STAC: variants seen among roughly 807,000 people sequenced by gnomAD.
STAC encodes SH3 and cysteine-rich domain-containing protein.
STAC carries 43 observed loss-of-function variants against 48.8 expected under a neutral mutation model. The ratio of observed to expected loss-of-function variants is 0.88; its 90% CI spans 0.69 to 1.14. STAC has a LOEUF of 1.14. Among genes scored for constraint, STAC ranks in the 50% most tolerant of loss-of-function variants. STAC has a pLI of 0.00. For missense variants in STAC, 497 were observed against 504.0 expected (o/e 0.99, Z 0.13); for synonymous variants, 193 against 179.5 (o/e 1.07, Z -0.60).
chr3:36,396,281 A>C (rs1021507723), intron 1 of STAC, among the ~76,000 whole-genome samples: 23 of 152,290 alleles, frequency 1.5e-4, no homozygotes, highest in African/African-American at 4.8e-4. Context: ...TGTTTATTGA[A>C]CAATATTTTT....
At chr3:36,464,543 G>A (rs768404128) in intron 2 of STAC, among the ~76,000 whole-genome samples, 2 of 152,068 alleles carry the variant, frequency 1.3e-5, no homozygotes, top group Non-Finnish European at 2.9e-5. Context: ...CCTATTACTT[G>A]AGCAGTGTAC....
rs33997783 is a variant in STAC, at chr3:36,386,407, G to GAAA, written c.111+5661_111+5663dup. On this transcript the variant is annotated intron_variant, in intron 1 of 10. Coordinates refer to ENST00000273183, the MANE Select transcript of STAC (RefSeq NM_003149.3). ...TATTGCAGATATTCTCTTCTACACT[G>GAAA]AAAAAAAAAAGGCTTACCTTTTTTC... Among the ~76,000 whole-genome samples, 38 of 145,660 alleles carry GAAA rather than the reference G, an allele frequency of 2.6e-4. No individual in the cohort carries two copies. The South Asian group carries it at 3.3e-3, about 12-fold the overall frequency.
At chr3:36,540,234 G>A (rs1699291630) in intron 10 of STAC, among the ~76,000 whole-genome samples, 1 of 152,156 alleles carries the variant, frequency 6.6e-6, no homozygotes, top group African/African-American at 2.4e-5. Flanking sequence ...AAAGAATGCA[G>A]CCCTGCCAGC....
chr3:36,439,274 C>T (rs543451279), intron 1 of STAC, among the ~76,000 whole-genome samples: 11 of 152,252 alleles, frequency 7.2e-5, no homozygotes, highest in Admixed American at 4.6e-4. Flanking sequence ...TAAGATAGGT[C>T]GCCTGGTGAA....
At chr3:36,465,223 C>T (rs1697135206) in intron 2 of STAC, among the ~76,000 whole-genome samples, 1 of 152,162 alleles carries the variant, frequency 6.6e-6, no homozygotes, top group African/African-American at 2.4e-5. Flanking sequence ...TGATGTTGAA[C>T]ATTTTTTCAT....
At chr3:36,464,425 T>C (rs1037512958) in intron 2 of STAC, among the ~76,000 whole-genome samples, 2 of 102,312 alleles carry the variant, frequency 2.0e-5, no homozygotes, top group Non-Finnish European at 3.8e-5. Flanking sequence ...ATTAGCACTT[T>C]GTCAGATTAT....
intron 8 of STAC, among the ~76,000 whole-genome samples, chr3:36,512,074 A>G (rs1457353454): frequency 2.6e-5 from 4 of 152,176 alleles, no homozygotes; most frequent in Admixed American, 6.6e-5. Context: ...CTTTCCAGAA[A>G]AAAGTTTGGG....
chr3:36,386,356 A>G (rs1249615118), intron 1 of STAC, among the ~76,000 whole-genome samples: 1 of 150,884 alleles, frequency 6.6e-6, no homozygotes, highest in Non-Finnish European at 1.5e-5. Flanking sequence ...CATATTCTGG[A>G]TATGAGAACG....
intron 2 of STAC, among the ~76,000 whole-genome samples, chr3:36,458,683 T>C (rs1696918339): frequency 6.6e-6 from 1 of 152,186 alleles, no homozygotes; most frequent in Non-Finnish European, 1.5e-5. Flanking sequence ...CCAACTTCCA[T>C]ACTAATTGAT....
chr3:36,439,723 C>T (rs1311566115), intron 1 of STAC, among the ~76,000 whole-genome samples: 1 of 152,182 alleles, frequency 6.6e-6, no homozygotes, highest in Non-Finnish European at 1.5e-5. Flanking sequence ...GTCTGTACTG[C>T]TCCTTTGCTG....
intron 8 of STAC, among the ~76,000 whole-genome samples, chr3:36,508,802 A>G (rs1287382659): frequency 6.6e-6 from 1 of 152,052 alleles, no homozygotes; most frequent in Non-Finnish European, 1.5e-5. Flanking sequence ...TTTTGAGCCT[A>G]TGTGTGTCTT....
chr3:36,402,168 A>C (rs1203506939), intron 1 of STAC, among the ~76,000 whole-genome samples: 1 of 152,184 alleles, frequency 6.6e-6, no homozygotes, highest in Non-Finnish European at 1.5e-5. Context: ...GCTCTTACAT[A>C]TGTTTTTAAC....
intron 1 of STAC, among the ~76,000 whole-genome samples, chr3:36,441,320 C>G (rs72856349): frequency 0.016 from 2,509 of 152,086 alleles, 78 homozygotes; most frequent in African/African-American, 0.057. Flanking sequence ...TTTTAGCTTC[C>G]ACATATGAGT....
At chr3:36,432,450 T>C (rs982170778) in intron 1 of STAC, among the ~76,000 whole-genome samples, 9 of 152,122 alleles carry the variant, frequency 5.9e-5, no homozygotes. Flanking sequence ...ACCTGTAATC[T>C]CAGCACTTCC....
At chr3:36,393,650 A>G (rs564525042) in intron 1 of STAC, among the ~76,000 whole-genome samples, 167 of 150,240 alleles carry the variant, frequency 1.1e-3, no homozygotes, top group Non-Finnish European at 1.9e-3. Flanking sequence ...CCTTATAAAA[A>G]CAGACAAGAG....
chr3:36,413,394 C>G (rs911292568), intron 1 of STAC, among the ~76,000 whole-genome samples: 2 of 152,178 alleles, frequency 1.3e-5, no homozygotes, highest in African/African-American at 4.8e-5. Context: ...ATAGTTAGCT[C>G]TTGCTGTTGA....
chr3:36,388,212 G>C (rs1699665948), intron 1 of STAC, among the ~76,000 whole-genome samples: 1 of 152,108 alleles, frequency 6.6e-6, no homozygotes, highest in African/African-American at 2.4e-5. Context: ...GAATGATGCA[G>C]AAGTATTGAA....
At chr3:36,437,544 A>T (rs1158480841) in intron 1 of STAC, among the ~76,000 whole-genome samples, 2 of 147,864 alleles carry the variant, frequency 1.4e-5, no homozygotes, top group African/African-American at 2.5e-5. Context: ...ACCAAACACC[A>T]CATGTTCTCA....
intron 2 of STAC, among the ~76,000 whole-genome samples, chr3:36,481,465 A>G (rs73827545): frequency 0.031 from 4,724 of 152,270 alleles, 223 homozygotes; most frequent in African/African-American, 0.11. Flanking sequence ...AAGCAATTGT[A>G]GAGAAGAGGG....
Sources: gnomAD v4.1 joint callset for allele counts (sites outside exome capture counted in the v4.1 genomes callset) on GRCh38, gnomAD v4.1.1 for gene constraint, MANE v1.5 for transcripts, NCBI Gene and HGNC (gene_info 2026-07-23, HGNC 2026-07-21) for gene names.